Variants in PTBP3 observed in about 807,000 individuals in gnomAD.
PTBP3 encodes the protein polypyrimidine tract binding protein 3.
In PTBP3, 20 loss-of-function variants were observed where a neutral mutation model predicts 58.7. That is an observed-to-expected ratio of 0.34 (90% CI 0.24 to 0.50). The LOEUF (loss-of-function observed/expected upper bound fraction) is 0.50. PTBP3 is among the 20% of genes least tolerant of loss of function. PTBP3 has a pLI of 0.98. For missense variants in PTBP3, 509 were observed against 637.2 expected (o/e 0.80, Z 2.17); for synonymous variants, 185 against 219.8 (o/e 0.84, Z 1.40).
chr9:112,316,868 A>C (rs1030972724), intron 1 of PTBP3, among the ~76,000 whole-genome samples: 2 of 151,720 alleles, frequency 1.3e-5, no homozygotes, highest in Non-Finnish European at 2.9e-5. Context: ...GCTACTTGAG[A>C]GGCTGAGGCA....
chr9:112,268,505 T>G lies in PTBP3; in HGVS notation c.205-310A>C, dbSNP rs563366011. ...AGCCCAGGAGTTCAACAGCAGCCTGTGCAACACAGCGAGAACCCATCTCTA... is the reference window on the plus strand; with the variant it reads ...AGCCCAGGAGTTCAACAGCAGCCTGGGCAACACAGCGAGAACCCATCTCTA... On this transcript the variant is annotated intron_variant, in intron 3 of 13. Transcript: ENST00000374257. Among the ~76,000 whole-genome samples, 3 of 151,144 alleles carry G rather than the reference T, an allele frequency of 2.0e-5. No individual in the cohort carries two copies. In the East Asian group the frequency reaches 5.9e-4, roughly 30 times the overall value.
At position 112,221,402 on chromosome 9, in the gene PTBP3, C is replaced by T. The variant is rs1008867061; in HGVS notation, c.*2449G>A. The T allele has an allele frequency of 1.7e-5, 17 of 985,688 alleles. No homozygotes were observed. In the South Asian group the frequency reaches 2.3e-4, roughly 14 times the overall value. The allele number at this position is 985,688 out of a possible 1,614,324, so 61.1% of individuals were successfully genotyped here. Reference sequence around the variant, plus strand: ...CATTCAACACCACTATGATCCCCTTCCGTTATTAGCAACTTTGCTACACTT... The same window carrying T: ...CATTCAACACCACTATGATCCCCTTTCGTTATTAGCAACTTTGCTACACTT... On this transcript the variant is annotated 3_prime_UTR_variant, in exon 14 of 14. Coordinates refer to ENST00000374257, the MANE Select transcript of PTBP3 (RefSeq NM_001163788.4).
Position 112,275,906 on chromosome 9 carries a change from T to C in PTBP3, c.142A>G (p.Ile48Val). ...IPCDVTEAEI[I>V]SLGLPFGKVT... Reference sequence around the variant, plus strand: ...TTGCCAAATGGTAGACCTAATGATATGATCTCTGCTTCGGTGACATCACAT... The same window carrying C: ...TTGCCAAATGGTAGACCTAATGATACGATCTCTGCTTCGGTGACATCACAT... The change falls in exon 3 of 14, where the codon ATA becomes GTA. Residue 48 changes from isoleucine to valine, a missense_variant. Coordinates refer to ENST00000374257, the MANE Select transcript of PTBP3 (RefSeq NM_001163788.4). The C allele has an allele frequency of 1.2e-6, 2 of 1,614,044 alleles. No homozygotes were observed. The highest frequency in any genetic ancestry group is 1.7e-6 in the Non-Finnish European group (2 of 1,179,908).
intron 1 of PTBP3, among the ~76,000 whole-genome samples, chr9:112,309,707 C>G (rs4978482): frequency 0.84 from 127,533 of 151,756 alleles, 53,879 homozygotes; most frequent in African/African-American, 0.92. Context: ...GGAATTGCTT[C>G]AACCAGGGAG....
At chr9:112,372,154 C>A in the PTBP3 span, among the ~76,000 whole-genome samples, 2 of 152,168 alleles carry the variant, frequency 1.3e-5, no homozygotes, top group Non-Finnish European at 1.5e-5. Flanking sequence ...CTTACTTCAG[C>A]CCCCTCAAGC....
At chr9:112,326,400 T>C (rs1213034053) in intron 1 of PTBP3, among the ~76,000 whole-genome samples, 5 of 152,206 alleles carry the variant, frequency 3.3e-5, no homozygotes, top group Non-Finnish European at 7.3e-5. Context: ...ACGGACAATA[T>C]GAATGAGCAC....
chr9:112,368,600 G>C, the PTBP3 span, among the ~76,000 whole-genome samples: 1 of 152,048 alleles, frequency 6.6e-6, no homozygotes, highest in Non-Finnish European at 1.5e-5. Context: ...AGTTGGATTG[G>C]TTATTTTCAT....
chr9:112,281,759 T>G (rs1028531713), intron 2 of PTBP3, among the ~76,000 whole-genome samples: 4 of 152,202 alleles, frequency 2.6e-5, no homozygotes, highest in African/African-American at 7.2e-5. Flanking sequence ...TTGTATCAGT[T>G]TGGGAATTTG....
At chr9:112,295,745 A>G (rs1828652253) in intron 2 of PTBP3, among the ~76,000 whole-genome samples, 1 of 152,224 alleles carries the variant, frequency 6.6e-6, no homozygotes, top group Non-Finnish European at 1.5e-5. Flanking sequence ...CAAAGGACAT[A>G]AAATAGAACC....
chr9:112,267,056 A>G (rs1402562395), intron 4 of PTBP3, among the ~76,000 whole-genome samples: 1 of 152,192 alleles, frequency 6.6e-6, no homozygotes, highest in Non-Finnish European at 1.5e-5. Flanking sequence ...ACCAGCTAAC[A>G]TTATACTGCC....
At chr9:112,357,863 A>G in the PTBP3 span, among the ~76,000 whole-genome samples, 37,081 of 152,018 alleles carry the variant, frequency 0.24, 4,958 homozygotes, top group East Asian at 0.36. Context: ...GGCAATTTCC[A>G]GAGACATTTT....
chr9:112,246,202 T>A (rs1288830025), intron 7 of PTBP3, among the ~76,000 whole-genome samples: 1 of 151,674 alleles, frequency 6.6e-6, no homozygotes, highest in Non-Finnish European at 1.5e-5. Flanking sequence ...AGGATGGTCT[T>A]GAACTCCCGA....
At position 112,218,837 on chromosome 9, in the gene PTBP3, G is replaced by A. The variant is rs997590235; in HGVS notation, c.*5014C>T. ...TTTTGGCCTTGTTAAAAAAAATGTT[G>A]TTACAAATATTTACAGCATTTTCTT... On this transcript the variant is annotated 3_prime_UTR_variant, in exon 14 of 14. Transcript: ENST00000374257. The A allele has an allele frequency of 6.6e-6, 1 of 152,446 alleles. No individual in the cohort carries two copies. Among genetic ancestry groups the A allele is most frequent in the Admixed American group, 6.6e-5 (1 of 15,262 alleles). The allele number at this position is 152,446 out of a possible 1,614,324, so 9.4% of individuals were successfully genotyped here.
chr9:112,240,074 G>C (rs1051494341), intron 7 of PTBP3, among the ~76,000 whole-genome samples: 4 of 152,128 alleles, frequency 2.6e-5, no homozygotes, highest in African/African-American at 9.6e-5. Context: ...CAGTATTGAG[G>C]GGTAGAAGGA....
intron 3 of PTBP3, among the ~76,000 whole-genome samples, chr9:112,271,817 AG>A (rs1323467628): frequency 3.9e-5 from 6 of 152,202 alleles, no homozygotes; most frequent in Non-Finnish European, 8.8e-5. Context: ...TAAGGGACAA[AG>A]GATCAATTAT....
At position 112,331,082 on chromosome 9, in the gene PTBP3, AACACACAC is replaced by A. The variant is rs10660591; in HGVS notation, c.-52+2380_-52+2387del. 3.0e-3 allele frequency among the ~76,000 whole-genome samples: 415 copies of A among 139,528 alleles called. 1 individual carries two copies. The highest frequency in any genetic ancestry group is 9.1e-3 in the African/African-American group (345 of 37,876). 91.5% of individuals were successfully genotyped at this position (139,528 alleles called of 152,430 possible). On this transcript the variant is annotated intron_variant, in intron 1 of 13. Coordinates refer to ENST00000374257, the MANE Select transcript of PTBP3 (RefSeq NM_001163788.4). ...ATAAATTATCTCTTAGGAGGAAACG[AACACACAC>A]ACACACACACACACACACACACACA...
intron 1 of PTBP3, among the ~76,000 whole-genome samples, chr9:112,321,120 G>A (rs1377966091): frequency 6.6e-6 from 1 of 151,962 alleles, no homozygotes; most frequent in African/African-American, 2.4e-5. Context: ...ACCTGACAAA[G>A]GACTTATATT....
At chr9:112,275,800 A>G (rs1421536809) in intron 3 of PTBP3, 44 bp downstream of exon 3, 1 of 1,489,034 alleles carries the variant, frequency 6.7e-7, no homozygotes. Context: ...TAATACTAAC[A>G]TCTGGAGATA....
the PTBP3 span, among the ~76,000 whole-genome samples, chr9:112,353,235 A>G: frequency 2.0e-5 from 3 of 150,930 alleles, no homozygotes; most frequent in African/African-American, 7.3e-5. Context: ...ACTCTTCTCA[A>G]ATAGCCATGG....
Sources: gnomAD v4.1 joint callset for allele counts (sites outside exome capture counted in the v4.1 genomes callset) on GRCh38, gnomAD v4.1.1 for gene constraint, MANE v1.5 for transcripts, NCBI Gene and HGNC (gene_info 2026-07-23, HGNC 2026-07-21) for gene names.